Variants in CA10 observed in about 807,000 individuals in gnomAD.
The protein encoded by CA10 is carbonic anhydrase-related protein 10.
Under a neutral mutation model 44.2 loss-of-function variants are expected in CA10, and 14 were observed. The observed-to-expected ratio is 0.32, with a 90% CI of 0.21 to 0.50. CA10 has a LOEUF of 0.50. Among genes scored for constraint, CA10 ranks in the 20% least tolerant of loss-of-function variants. CA10 has a pLI of 0.99. For synonymous variants in CA10, 159 were observed against 141.6 expected, an observed-to-expected ratio of 1.12 and a Z score of -0.87; for missense variants, 350 against 409.7, an observed-to-expected ratio of 0.85 and a Z score of 1.26.
chr17:51,655,962 C>T (rs1312107002), intron 4 of CA10, among the ~76,000 whole-genome samples: 2 of 152,206 alleles, frequency 1.3e-5, no homozygotes, highest in East Asian at 3.9e-4. Context: ...TTTTAATCCC[C>T]CCTCCCTTGT....
At chr17:52,080,119 G>T (rs990873796) in intron 1 of CA10, among the ~76,000 whole-genome samples, 1 of 152,158 alleles carries the variant, frequency 6.6e-6, no homozygotes, top group Admixed American at 6.5e-5. Context: ...CGGGTAGCCC[G>T]TATTACTTTC....
intron 3 of CA10, among the ~76,000 whole-genome samples, chr17:51,813,485 C>T (rs1374092859): frequency 2.0e-5 from 3 of 152,218 alleles, no homozygotes; most frequent in Non-Finnish European, 4.4e-5. Flanking sequence ...CCATGGAGCA[C>T]TTTCAGATGA....
intron 4 of CA10, among the ~76,000 whole-genome samples, chr17:51,693,329 C>A (rs1272438226): frequency 6.6e-6 from 1 of 152,048 alleles, no homozygotes; most frequent in Non-Finnish European, 1.5e-5. Flanking sequence ...GTAATTATAT[C>A]TTTTTCTCTT....
chr17:51,864,254 T>C (rs562190365), intron 3 of CA10, among the ~76,000 whole-genome samples: 8 of 147,832 alleles, frequency 5.4e-5, no homozygotes, highest in Non-Finnish European at 1.0e-4. Context: ...GGAAAGCCAA[T>C]TTTTTTTTAT....
intron 3 of CA10, among the ~76,000 whole-genome samples, chr17:51,807,714 A>G (rs1428188933): frequency 6.6e-6 from 1 of 152,234 alleles, no homozygotes. Flanking sequence ...CAAAACAAAC[A>G]TGGGTAAATC....
chr17:51,899,620 A>G (rs116557507), intron 3 of CA10, among the ~76,000 whole-genome samples: 1,571 of 152,106 alleles, frequency 0.01, 19 homozygotes, highest in African/African-American at 0.036. Flanking sequence ...TTCTGCCTCA[A>G]CGATCTGTCT....
chr17:51,778,620 T>C (rs544630475), intron 3 of CA10, among the ~76,000 whole-genome samples: 2 of 152,310 alleles, frequency 1.3e-5, no homozygotes, highest in East Asian at 3.9e-4. Context: ...TCTAACACCT[T>C]TACGCAGAGG....
intron 4 of CA10, among the ~76,000 whole-genome samples, chr17:51,696,499 G>C (rs1243666558): frequency 6.6e-6 from 1 of 152,120 alleles, no homozygotes; most frequent in East Asian, 1.9e-4. Context: ...AATCTAGCTA[G>C]TGGTCTATTG....
At chr17:51,950,917 C>T (rs1983459519) in intron 2 of CA10, among the ~76,000 whole-genome samples, 1 of 152,112 alleles carries the variant, frequency 6.6e-6, no homozygotes, top group African/African-American at 2.4e-5. Flanking sequence ...TAGGATAGTG[C>T]ACAGCATTTA....
chr17:51,992,156 C>T (rs1985065076), intron 2 of CA10, among the ~76,000 whole-genome samples: 1 of 152,054 alleles, frequency 6.6e-6, no homozygotes, highest in African/African-American at 2.4e-5. Context: ...CTTCCTCCCT[C>T]CTTGGAGGCA....
At chr17:51,767,456 C>G (rs1905428361) in intron 3 of CA10, among the ~76,000 whole-genome samples, 1 of 152,198 alleles carries the variant, frequency 6.6e-6, no homozygotes, top group African/African-American at 2.4e-5. Flanking sequence ...ATGTTGACAT[C>G]TTATGTAATC....
At chr17:51,745,940 A>T (rs1567825495) in intron 4 of CA10, among the ~76,000 whole-genome samples, 1 of 152,222 alleles carries the variant, frequency 6.6e-6, no homozygotes, top group Non-Finnish European at 1.5e-5. Flanking sequence ...ATATTCTCTA[A>T]TTCAGACCGG....
At chr17:51,874,810 A>G (rs1489518867) in intron 3 of CA10, among the ~76,000 whole-genome samples, 1 of 152,158 alleles carries the variant, frequency 6.6e-6, no homozygotes, top group African/African-American at 2.4e-5. Context: ...TCTATTACTC[A>G]TATAGAGTGT....
chr17:51,962,811 T>G (rs1983941868), intron 2 of CA10, among the ~76,000 whole-genome samples: 1 of 152,074 alleles, frequency 6.6e-6, no homozygotes, highest in South Asian at 2.1e-4. Context: ...AAATTAGAAG[T>G]CCTATTATCT....
chr17:51,637,037 G>T (rs1271796577), intron 6 of CA10, among the ~76,000 whole-genome samples: 1 of 151,892 alleles, frequency 6.6e-6, no homozygotes, highest in African/African-American at 2.4e-5. Context: ...TCAATGTATT[G>T]GTTGTATTTT....
chr17:51,801,572 C>T (rs935507386), intron 3 of CA10, among the ~76,000 whole-genome samples: 2 of 150,298 alleles, frequency 1.3e-5, no homozygotes, highest in Non-Finnish European at 3.0e-5. Flanking sequence ...TGGGGACAGA[C>T]AATGAAAAAA....
chr17:51,692,451 A>C (rs973399914), intron 4 of CA10, among the ~76,000 whole-genome samples: 2 of 151,524 alleles, frequency 1.3e-5, no homozygotes, highest in Non-Finnish European at 2.9e-5. Context: ...TGGGAATGAT[A>C]GGTTTTTTTA....
intron 1 of CA10, among the ~76,000 whole-genome samples, chr17:52,133,392 G>A (rs893662208): frequency 3.3e-5 from 5 of 152,170 alleles, no homozygotes; most frequent in Non-Finnish European, 5.9e-5. Context: ...AAGCAGGAGA[G>A]AAACTGTCAG....
At chr17:51,658,988 C>G (rs1024470021) in intron 4 of CA10, among the ~76,000 whole-genome samples, 19 of 152,210 alleles carry the variant, frequency 1.2e-4, no homozygotes, top group Non-Finnish European at 2.1e-4. Flanking sequence ...TCATGATGCT[C>G]TCACCCAGGA....
Sources: allele counts gnomAD v4.1 joint callset (sites outside exome capture counted in the v4.1 genomes callset), GRCh38; gene constraint gnomAD v4.1.1; transcripts MANE v1.5; gene names NCBI Gene and HGNC (gene_info 2026-07-23, HGNC 2026-07-21).